The following HDAC9 variants were observed in gnomAD, a reference collection of about 807,000 sequenced individuals.
The protein encoded by HDAC9 is MEF-2 interacting transcription repressor (MITR) protein.
Under a neutral mutation model 139.4 loss-of-function variants are expected in HDAC9, and 41 were observed. The observed-to-expected ratio is 0.29, with a 90% CI of 0.23 to 0.38. The LOEUF (loss-of-function observed/expected upper bound fraction) is 0.38. HDAC9 is among the 10% of genes least tolerant of loss of function. The pLI is 1.00. For synonymous variants in HDAC9, 517 were observed against 476.2 expected (o/e 1.09, Z -1.12); for missense variants, 1,147 against 1,297.0 (o/e 0.88, Z 1.78).
rs1438048875 is a variant in HDAC9 at position 18,465,334 on chromosome 7, T to C, written c.-41-30928T>C. Among the ~76,000 whole-genome samples, 4 of 152,074 alleles carry C rather than the reference T, an allele frequency of 2.6e-5. No individual in the cohort carries two copies. In the East Asian group the frequency reaches 7.7e-4, roughly 29 times the overall value. On this transcript the variant is annotated intron_variant, in intron 1 of 3. Transcript: ENST00000413509. ...TGAATTATCTGTATTTCATCTATTATTGATTTCCCTCCTGTTTATTTTGAT... is the reference window on the plus strand; with the variant it reads ...TGAATTATCTGTATTTCATCTATTACTGATTTCCCTCCTGTTTATTTTGAT...
At chr7:18,989,454 T>G (rs1296805456) in intron 25 of HDAC9, among the ~76,000 whole-genome samples, 1 of 151,722 alleles carries the variant, frequency 6.6e-6, no homozygotes, top group East Asian at 1.9e-4. Context: ...CCTTTGAGGG[T>G]AACCCGACCT....
At chr7:18,109,205 G>C (rs184214944) in intron 1 of HDAC9, among the ~76,000 whole-genome samples, 11 of 152,318 alleles carry the variant, frequency 7.2e-5, no homozygotes, top group Non-Finnish European at 1.3e-4. Context: ...CAAAGCCCTA[G>C]AGGCAGTGCA....
At chr7:18,346,772 C>T (rs1412386049) in intron 1 of HDAC9, among the ~76,000 whole-genome samples, 1 of 151,996 alleles carries the variant, frequency 6.6e-6, no homozygotes, top group East Asian at 1.9e-4. Flanking sequence ...ATTGATGATT[C>T]TCATCAGTTA....
At chr7:18,170,441 A>G (rs1445324423) in intron 2 of HDAC9, among the ~76,000 whole-genome samples, 1 of 152,106 alleles carries the variant, frequency 6.6e-6, no homozygotes, top group Non-Finnish European at 1.5e-5. Context: ...GAAGCTCTTC[A>G]GTTTAATGAG....
At chr7:18,708,203 G>A (rs1023602335) in intron 12 of HDAC9, among the ~76,000 whole-genome samples, 5 of 152,152 alleles carry the variant, frequency 3.3e-5, no homozygotes, top group Admixed American at 1.3e-4. Flanking sequence ...CCTTTGTGAA[G>A]TAGAAGGTGA....
intron 2 of HDAC9, among the ~76,000 whole-genome samples, chr7:18,176,588 A>AT (rs1307140901): frequency 1.3e-5 from 2 of 152,208 alleles, no homozygotes; most frequent in African/African-American, 2.4e-5. Context: ...ATAATTAGAG[A>AT]TTTTTTTAAA....
At chr7:18,810,067 AC>A (rs1396388212) in intron 17 of HDAC9, among the ~76,000 whole-genome samples, 1 of 151,978 alleles carries the variant, frequency 6.6e-6, no homozygotes, top group South Asian at 2.1e-4. Flanking sequence ...GCCATTTTCA[AC>A]AACGTGGATG....
At chr7:18,278,486 C>T (rs1796890395) in intron 2 of HDAC9, among the ~76,000 whole-genome samples, 1 of 152,142 alleles carries the variant, frequency 6.6e-6, no homozygotes, top group South Asian at 2.1e-4. Flanking sequence ...GTTGCCACAG[C>T]AGCACCAATA....
At chr7:18,195,498 A>C (rs1336351488) in intron 2 of HDAC9, among the ~76,000 whole-genome samples, 1 of 151,928 alleles carries the variant, frequency 6.6e-6, no homozygotes, top group East Asian at 1.9e-4. Flanking sequence ...TTATGCTGCC[A>C]GATAAGTTGA....
chr7:18,937,132 C>T (rs915897736), intron 23 of HDAC9, among the ~76,000 whole-genome samples: 5 of 150,498 alleles, frequency 3.3e-5, no homozygotes, highest in South Asian at 2.1e-4. Context: ...CTCCGCCACC[C>T]GGGTTGAAGT....
At chr7:18,783,307 C>G (rs1435739814) in intron 16 of HDAC9, among the ~76,000 whole-genome samples, 1 of 152,060 alleles carries the variant, frequency 6.6e-6, no homozygotes, top group Non-Finnish European at 1.5e-5. Flanking sequence ...AAAAGCATTT[C>G]TCTATGAAGT....
At chr7:18,357,470 A>G (rs1783410238) in intron 1 of HDAC9, among the ~76,000 whole-genome samples, 1 of 152,138 alleles carries the variant, frequency 6.6e-6, no homozygotes, top group Non-Finnish European at 1.5e-5. Flanking sequence ...AGAGAAAGAA[A>G]TAAAGGAGAA....
intron 21 of HDAC9, among the ~76,000 whole-genome samples, chr7:18,869,326 T>A (rs568249395): frequency 6.6e-6 from 1 of 151,978 alleles, no homozygotes; most frequent in Non-Finnish European, 1.5e-5. Context: ...TGGTTTCTTA[T>A]GGTTTAGCAC....
At chr7:18,432,673 C>T (rs370050363) in intron 1 of HDAC9, among the ~76,000 whole-genome samples, 9 of 152,080 alleles carry the variant, frequency 5.9e-5, no homozygotes, top group Admixed American at 1.3e-4. Context: ...GAAGGCCGGG[C>T]GCTGTGGCTC....
At chr7:18,425,161 G>T (rs578047687) in intron 1 of HDAC9, among the ~76,000 whole-genome samples, 85 of 152,210 alleles carry the variant, frequency 5.6e-4, no homozygotes, top group African/African-American at 1.8e-3. Flanking sequence ...AAGTTAATTG[G>T]ACAGAATTTG....
chr7:18,164,447 C>T (rs1787864892), intron 2 of HDAC9, among the ~76,000 whole-genome samples: 1 of 152,160 alleles, frequency 6.6e-6, no homozygotes, highest in Non-Finnish European at 1.5e-5. Flanking sequence ...TTAAATTGGT[C>T]TTATGCAATC....
intron 2 of HDAC9, among the ~76,000 whole-genome samples, chr7:18,184,889 A>G (rs771791568): frequency 7.7e-4 from 118 of 152,346 alleles, no homozygotes; most frequent in Non-Finnish European, 7.2e-4. Flanking sequence ...ATTTACACCT[A>G]ATCTCTTAAA....
In HDAC9 at chr7:18,471,699, T is replaced by G. The variant is rs188488846; in HGVS notation, c.-41-24563T>G. On this transcript the variant is annotated intron_variant, in intron 1 of 3. Coordinates refer to the HDAC9 transcript ENST00000413509. ...GTGCACATGCTGTTCTGTGTGCCAG[T>G]TTTTAATTCTGAGAGATTGGGATTG... 2.6e-5 allele frequency among the ~76,000 whole-genome samples: 4 copies of G among 152,270 alleles called. No individual in the cohort carries two copies. The East Asian group carries it at 7.7e-4, about 29-fold the overall frequency.
intron 1 of HDAC9, among the ~76,000 whole-genome samples, chr7:18,302,739 CCTT>C (rs1041552903): frequency 6.6e-6 from 1 of 152,140 alleles, no homozygotes; most frequent in African/African-American, 2.4e-5. Context: ...TAGAAACAAA[CCTT>C]CTAGAAGGCA....
Sources: gnomAD v4.1 joint callset for allele counts (sites outside exome capture counted in the v4.1 genomes callset) on GRCh38, gnomAD v4.1.1 for gene constraint, MANE v1.5 for transcripts, NCBI Gene and HGNC (gene_info 2026-07-23, HGNC 2026-07-21) for gene names.